The following XKR9 variants were observed in gnomAD, a reference collection of about 807,000 sequenced individuals.
The protein encoded by XKR9 is XK related 9.
XKR9 carries 32 observed loss-of-function variants against 32.0 expected under a neutral mutation model. That is an observed-to-expected ratio of 1.00 (90% CI 0.76 to 1.34). The LOEUF (loss-of-function observed/expected upper bound fraction) is 1.34, where lower values mean the gene tolerates loss of function less well. XKR9 is among the 40% of genes most tolerant of loss of function. The probability of loss-of-function intolerance (pLI) is 0.00; values close to 1 mark genes in which losing one functional copy is unlikely to be tolerated. For synonymous variants in XKR9, 168 were observed against 143.4 expected, an observed-to-expected ratio of 1.17 and a Z score of -1.22; for missense variants, 546 against 429.7, an observed-to-expected ratio of 1.27 and a Z score of -2.39.
intron 4 of XKR9, among the ~76,000 whole-genome samples, chr8:70,730,395 G>A (rs1003011792): frequency 6.6e-6 from 1 of 151,910 alleles, no homozygotes; most frequent in Non-Finnish European, 1.5e-5. Context: ...TTTCTCCATA[G>A]AGCTCTTTTT....
At chr8:71,010,821 G>A in the XKR9 span, among the ~76,000 whole-genome samples, 3 of 152,132 alleles carry the variant, frequency 2.0e-5, no homozygotes, top group African/African-American at 7.2e-5. Context: ...AGTCTGAAAA[G>A]CAGAGGACCA....
intron 2 of XKR9, among the ~76,000 whole-genome samples, chr8:70,755,396 A>T (rs1188319024): frequency 6.6e-5 from 10 of 152,216 alleles, no homozygotes; most frequent in African/African-American, 2.2e-4. Context: ...TGACCCAGCC[A>T]CCTCATTACT....
At chr8:70,728,412 A>C (rs1369582090) in intron 4 of XKR9, among the ~76,000 whole-genome samples, 1 of 152,232 alleles carries the variant, frequency 6.6e-6, no homozygotes, top group East Asian at 1.9e-4. Context: ...ATACTCACAC[A>C]GGGCAGGCTG....
At chr8:70,824,329 G>T in the XKR9 span, among the ~76,000 whole-genome samples, 4 of 152,048 alleles carry the variant, frequency 2.6e-5, no homozygotes, top group African/African-American at 7.2e-5. Context: ...TTTTAATCAA[G>T]AATATTTCTG....
chr8:70,742,461 G>A (rs146724814), intron 2 of XKR9, among the ~76,000 whole-genome samples: 325 of 152,320 alleles, frequency 2.1e-3, no homozygotes, highest in Non-Finnish European at 3.6e-3. Flanking sequence ...AGGGCCTAAA[G>A]ACTTTGAATC....
the XKR9 span, among the ~76,000 whole-genome samples, chr8:70,986,234 C>T: frequency 6.6e-6 from 1 of 152,192 alleles, no homozygotes; most frequent in African/African-American, 2.4e-5. Context: ...GCCACGTAAC[C>T]TCTCTGTCTT....
At chr8:70,676,929 T>C (rs1818906953) in intron 2 of XKR9, among the ~76,000 whole-genome samples, 1 of 152,108 alleles carries the variant, frequency 6.6e-6, no homozygotes, top group Admixed American at 6.6e-5. Context: ...TCTTTATGGG[T>C]AGAGAGATTA....
intron 4 of XKR9, among the ~76,000 whole-genome samples, chr8:70,729,068 G>A (rs1806575980): frequency 6.6e-6 from 1 of 152,144 alleles, no homozygotes; most frequent in African/African-American, 2.4e-5. Context: ...CCAAGGGGCT[G>A]TTATTGGCTC....
In XKR9 at chr8:70,734,336, C is replaced by T; in HGVS notation, c.1034C>T (p.Pro345Leu). The part of the protein sequence containing the change: ...FLIVYYGSFH[P>L]NRSAETKCDE... ...ATTGTTTATTATGGGAGTTTTCACC[C>T]AAACAGAAGTGCAGAAACAAAATGT... Residue 345 changes from proline (P) to leucine (L), a missense_variant, in exon 5 of 5, where the codon CCA (proline) becomes CTA (leucine). By Grantham distance (98) the Pro-to-Leu change is moderately conservative. Coordinates refer to ENST00000408926, the MANE Select transcript of XKR9 (RefSeq NM_001011720.2). 1 of 1,611,858 alleles carries T rather than the reference C, an allele frequency of 6.2e-7. No individual in the cohort carries two copies. The highest frequency in any genetic ancestry group is 8.5e-7 in the Non-Finnish European group (1 of 1,179,440).
the XKR9 span, among the ~76,000 whole-genome samples, chr8:70,909,080 A>T: frequency 6.6e-6 from 1 of 152,120 alleles, no homozygotes; most frequent in East Asian, 1.9e-4. Flanking sequence ...CACCTGGACT[A>T]TATTACCATG....
rs1806833229 is a variant in XKR9, at chr8:70,735,441, T to C, written c.*1017T>C. Reference sequence around the variant, plus strand: ...GTGGGGACTTTGTTTATTTATTTATTTTTAATTTTTTAATTTTATATTATT... The same window carrying C: ...GTGGGGACTTTGTTTATTTATTTATCTTTAATTTTTTAATTTTATATTATT... On this transcript the variant is annotated 3_prime_UTR_variant, in exon 5 of 5. Transcript: ENST00000408926. The C allele has an allele frequency of 6.6e-6, 1 of 150,662 alleles. No homozygotes were observed. Among genetic ancestry groups the C allele is most frequent in the Admixed American group, 6.6e-5 (1 of 15,132 alleles). 9.3% of individuals were successfully genotyped at this position (150,662 alleles called of 1,614,324 possible). A position where few individuals can be genotyped will look rare whatever the true frequency, so the allele number is the denominator to read the frequency against.
chr8:70,687,244 A>G (rs1819313975), intron 3 of XKR9, among the ~76,000 whole-genome samples: 1 of 152,146 alleles, frequency 6.6e-6, no homozygotes. Context: ...TTTTTCACTT[A>G]ACATAATGTT....
intron 2 of XKR9, among the ~76,000 whole-genome samples, chr8:70,741,994 C>A (rs1282098124): frequency 6.6e-6 from 1 of 151,508 alleles, no homozygotes; most frequent in Non-Finnish European, 1.5e-5. Flanking sequence ...ATAATGGTCA[C>A]CCTAATGAAT....
At chr8:70,980,024 G>T in the XKR9 span, among the ~76,000 whole-genome samples, 2 of 152,212 alleles carry the variant, frequency 1.3e-5, no homozygotes, top group Non-Finnish European at 2.9e-5. Flanking sequence ...AGACTGCTGC[G>T]CTAGCAGTGA....
At chr8:70,838,724 T>C in the XKR9 span, among the ~76,000 whole-genome samples, 1 of 152,128 alleles carries the variant, frequency 6.6e-6, no homozygotes, top group African/African-American at 2.4e-5. Flanking sequence ...TTAGTCAAGG[T>C]CACAGAGTTA....
At chr8:70,855,520 C>G in the XKR9 span, among the ~76,000 whole-genome samples, 1 of 152,068 alleles carries the variant, frequency 6.6e-6, no homozygotes, top group Non-Finnish European at 1.5e-5. Context: ...CTGAAAGTGA[C>G]GGGGAGAATG....
At chr8:70,874,882 T>G in the XKR9 span, among the ~76,000 whole-genome samples, 1 of 152,180 alleles carries the variant, frequency 6.6e-6, no homozygotes, top group Non-Finnish European at 1.5e-5. Flanking sequence ...TGGAAGAGCA[T>G]GCCTTTTTTC....
chr8:70,724,184 A>G (rs1806380113), intron 4 of XKR9, among the ~76,000 whole-genome samples: 2 of 152,130 alleles, frequency 1.3e-5, no homozygotes, highest in Admixed American at 6.5e-5. Context: ...CAACACTGTC[A>G]GGGGAAAGCC....
At chr8:70,793,939 G>A (rs1807796514), downstream of XKR9, among the ~76,000 whole-genome samples, 2 of 151,916 alleles carry the variant, frequency 1.3e-5, no homozygotes, top group African/African-American at 4.8e-5. Flanking sequence ...AAGTCAATTT[G>A]GGAGTAGCTT....
Sources: gnomAD v4.1 joint callset for allele counts (sites outside exome capture counted in the v4.1 genomes callset) on GRCh38, gnomAD v4.1.1 for gene constraint, MANE v1.5 for transcripts, NCBI Gene and HGNC (gene_info 2026-07-23, HGNC 2026-07-21) for gene names.